Variants in KLHL28 observed in about 807,000 individuals in gnomAD.
KLHL28 encodes kelch like family member 28.
Under a neutral mutation model 48.3 loss-of-function variants are expected in KLHL28, and 22 were observed. The ratio of observed to expected loss-of-function variants is 0.46; its 90% confidence interval spans 0.33 to 0.65. The LOEUF is 0.65. Ranked by LOEUF, KLHL28 falls within the 30% of genes least tolerant of loss-of-function variation. The pLI is 0.03. For missense variants in KLHL28, 527 were observed against 704.3 expected, an observed-to-expected ratio of 0.75 and a Z score of 2.85; for synonymous variants, 243 against 242.4, an observed-to-expected ratio of 1.00 and a Z score of -0.02.
intron 2 of KLHL28, among the ~76,000 whole-genome samples, chr14:44,938,126 C>T (rs938844848): frequency 3.9e-5 from 6 of 152,150 alleles, no homozygotes; most frequent in African/African-American, 1.4e-4. Flanking sequence ...CTCATTCCAG[C>T]ATCAACTCAA....
In KLHL28 at chr14:44,926,173, T is replaced by C. The variant is rs1883365053; in HGVS notation, c.*2855A>G. 6.6e-6 allele frequency: 1 copy of C among 152,196 alleles called. No homozygotes were observed. The highest frequency in any genetic ancestry group is 1.5e-5 in the Non-Finnish European group (1 of 68,012). 9.4% of individuals were successfully genotyped at this position (152,196 alleles called of 1,614,324 possible). Reference sequence around the variant, plus strand: ...GAAGGCGCTAATGTAAACATATTAGTTGTCAGGTCAGATTAGTAGCTCTGG... The same window carrying C: ...GAAGGCGCTAATGTAAACATATTAGCTGTCAGGTCAGATTAGTAGCTCTGG... On this transcript the variant is annotated 3_prime_UTR_variant, in exon 5 of 5. Coordinates refer to ENST00000396128, the MANE Select transcript of KLHL28 (RefSeq NM_017658.5).
At position 44,928,688 on chromosome 14, in the gene KLHL28, A is replaced by AT. The variant is rs531545327; in HGVS notation, c.*339_*340insA. ...ATCAGGGAAGGAGAGCTAAAATAAA[A>AT]AAAAAAAAAAAAAAAAAGCAGCCAC... On this transcript the variant is annotated 3_prime_UTR_variant, in exon 5 of 5. Transcript: ENST00000396128. 5,581 of 155,632 alleles carry AT rather than the reference A, an allele frequency of 0.036. 166 individuals are homozygous for AT. Among genetic ancestry groups the AT allele is most frequent in the African/African-American group, 0.1 (4,163 of 40,654 alleles). 9.6% of individuals were successfully genotyped at this position (155,632 alleles called of 1,614,324 possible).
chr14:44,944,919 CAAAGA>C, intron 2 of KLHL28, 106 bp downstream of exon 2: 1 of 804,874 alleles, frequency 1.2e-6, no homozygotes, highest in Admixed American at 2.7e-5. Flanking sequence ...TAAAAAGAAG[CAAAGA>C]AAAGTAAAAA....
chr14:44,935,890 G>GTGTATATATATATATA lies in KLHL28; in HGVS notation c.900-1333_900-1332insTATATATATATATACA, dbSNP rs1555337906. Among the ~76,000 whole-genome samples the GTGTATATATATATATA allele has an allele frequency of 4.4e-4, 26 of 59,146 alleles. 1 individual carries two copies. In the South Asian group the frequency reaches 0.013, roughly 29 times the overall value. The allele number at this position is 59,146 out of a possible 152,430, so 38.8% of individuals were successfully genotyped here. On this transcript the variant is annotated intron_variant, in intron 2 of 4. Transcript: ENST00000396128. ...TATGTGTATGTATATATATATGTGTGTATATATATATATCTTTACCCTCCC... is the reference window on the plus strand; with the variant it reads ...TATGTGTATGTATATATATATGTGTGTGTATATATATATATATATATATATATATCTTTACCCTCCC...
intron 3 of KLHL28, among the ~76,000 whole-genome samples, chr14:44,933,660 G>A (rs1413172189): frequency 6.6e-6 from 1 of 152,084 alleles, no homozygotes; most frequent in Non-Finnish European, 1.5e-5. Flanking sequence ...GATGATACAT[G>A]TATGATTACA....
intron 2 of KLHL28, among the ~76,000 whole-genome samples, chr14:44,936,971 A>C (rs1883852045): frequency 6.6e-6 from 1 of 152,166 alleles, no homozygotes. Context: ...AGAAAAAACC[A>C]CTGTCAAAGA....
Position 44,954,857 on chromosome 14 carries a change from C to T in KLHL28, c.-1+6989G>A, listed in dbSNP as rs183063919. ...ATAAGAAATTTGAAAATTGAAAATA[C>T]AAAGGAAGAAAATATCAACTTAGTG... is the stretch of plus-strand genomic sequence containing the variant. On this transcript the variant is annotated intron_variant, in intron 1 of 4. Coordinates refer to ENST00000396128, the MANE Select transcript of KLHL28 (RefSeq NM_017658.5). 4.6e-3 allele frequency among the ~76,000 whole-genome samples: 704 copies of T among 152,156 alleles called. 10 individuals are homozygous for T. The highest frequency in any genetic ancestry group is 0.015 in the African/African-American group (635 of 41,512).
At chr14:44,935,905 T>TATATATA (rs1233257500) in intron 2 of KLHL28, among the ~76,000 whole-genome samples, 3 of 123,702 alleles carry the variant, frequency 2.4e-5, no homozygotes, top group Non-Finnish European at 3.6e-5. Flanking sequence ...TATATATATC[T>TATATATA]TTACCCTCCC....
intron 2 of KLHL28, among the ~76,000 whole-genome samples, chr14:44,937,759 C>A (rs904002917): frequency 6.6e-6 from 1 of 152,158 alleles, no homozygotes; most frequent in Non-Finnish European, 1.5e-5. Context: ...ATGGTGCTAG[C>A]ATCTGGGAAG....
rs954220593 is a variant in KLHL28 at position 44,961,869 on chromosome 14, C to A, written c.-24G>T. 8 of 152,800 alleles carry A rather than the reference C, an allele frequency of 5.2e-5. No individual in the cohort carries two copies. Among genetic ancestry groups the A allele is most frequent in the Non-Finnish European group, 1.2e-4 (8 of 68,476 alleles). 9.5% of individuals were successfully genotyped at this position (152,800 alleles called of 1,614,324 possible). A position where few individuals can be genotyped will look rare whatever the true frequency, so the allele number is the denominator to read the frequency against. On this transcript the variant is annotated 5_prime_UTR_variant, in exon 1 of 5. Coordinates refer to ENST00000396128, the MANE Select transcript of KLHL28 (RefSeq NM_017658.5). ...ACCTGAGTCTCAGTAATCACACGGG[C>A]AGCGACAGGAGGAGGAACCGCGGAC... is the stretch of plus-strand genomic sequence containing the variant.
At chr14:44,956,806 T>C in intron 1 of KLHL28, among the ~76,000 whole-genome samples, 1 of 152,178 alleles carries the variant, frequency 6.6e-6, no homozygotes, top group Admixed American at 6.5e-5. Flanking sequence ...TGTTGCTAAA[T>C]AGTGGTATTG....
chr14:44,960,611 C>T (rs1885008944), intron 1 of KLHL28, among the ~76,000 whole-genome samples: 1 of 151,992 alleles, frequency 6.6e-6, no homozygotes, highest in Admixed American at 6.5e-5. Flanking sequence ...CATTTAAACA[C>T]GAAAATGGCT....
rs1199872660 is a variant in KLHL28 at position 44,931,359 on chromosome 14, C to T, written c.1526G>A (p.Cys509Tyr). ...TGTTCTAGGTTCTTTCATTGGTCTA[C>T]ACACAGTCCACTGATTTTGATGAGG... is the stretch of plus-strand genomic sequence containing the variant. ...YDPHQNQWTV[C>Y]RPMKEPRTGV... The change falls in exon 4 of 5, where the codon TGT becomes TAT. Residue 509 changes from cysteine to tyrosine, a missense_variant. Physicochemically the swap from Cys to Tyr is radical, Grantham distance 194. Transcript: ENST00000396128. The T allele has an allele frequency of 6.2e-7, 1 of 1,613,370 alleles. No individual in the cohort carries two copies. Among genetic ancestry groups the T allele is most frequent in the Non-Finnish European group, 8.5e-7 (1 of 1,179,344 alleles).
intron 2 of KLHL28, among the ~76,000 whole-genome samples, chr14:44,941,793 C>T (rs375237090): frequency 1.3e-5 from 2 of 152,084 alleles, no homozygotes; most frequent in South Asian, 2.1e-4. Context: ...CACACAAATT[C>T]CTTGGCTTTT....
At chr14:44,936,917 C>A (rs1030491765) in intron 2 of KLHL28, among the ~76,000 whole-genome samples, 3 of 152,078 alleles carry the variant, frequency 2.0e-5, no homozygotes, top group African/African-American at 7.2e-5. Context: ...CTGAAAGGGA[C>A]AAAGACTCAT....
intron 2 of KLHL28, among the ~76,000 whole-genome samples, chr14:44,939,355 G>A (rs1218113712): frequency 7.2e-5 from 11 of 152,100 alleles, no homozygotes; most frequent in African/African-American, 2.7e-4. Context: ...TGGCTCCCCT[G>A]TAACCACACT....
chr14:44,933,075 A>C (rs1312719402), intron 3 of KLHL28, among the ~76,000 whole-genome samples: 1 of 152,172 alleles, frequency 6.6e-6, no homozygotes, highest in Non-Finnish European at 1.5e-5. Flanking sequence ...TGTATACTTT[A>C]AATCATCTCT....
At position 44,934,190 on chromosome 14, in the gene KLHL28, C is replaced by T. The variant is rs1234112416; in HGVS notation, c.1268G>A (p.Arg423Lys). The T allele has an allele frequency of 1.9e-5, 31 of 1,614,020 alleles. No individual in the cohort carries two copies. In the East Asian group the frequency reaches 6.9e-4, roughly 36 times the overall value. The change falls in exon 3 of 5, where the codon AGA (arginine) becomes AAA (lysine). Residue 423 changes from arginine (R) to lysine (K), a missense_variant. Physicochemically the swap from Arg to Lys is conservative, Grantham distance 26 (BLOSUM62 2). Coordinates refer to ENST00000396128, the MANE Select transcript of KLHL28 (RefSeq NM_017658.5). ...WQPVAPMTTT[R>K]SCFAAAVLDG... ...CAATACCGCTGCAGCAAAACAACTT[C>T]TTGTTGTCGTCATTGGTGCCACAGG...
rs1318360164 is a variant in KLHL28 at position 44,925,595 on chromosome 14, T to C, written c.*3433A>G. ...TCTCTCCCACTATATTTTACTCTCT[T>C]TGAGTGAAAAAGAGTATATCTCTCT... is the stretch of plus-strand genomic sequence containing the variant. On this transcript the variant is annotated 3_prime_UTR_variant, in exon 5 of 5. Transcript: ENST00000396128. 6.6e-6 allele frequency: 1 copy of C among 151,962 alleles called. No homozygotes were observed. Among genetic ancestry groups the C allele is most frequent in the Non-Finnish European group, 1.5e-5 (1 of 67,802 alleles). The allele number at this position is 151,962 out of a possible 1,614,324, so 9.4% of individuals were successfully genotyped here. A position where few individuals can be genotyped will look rare whatever the true frequency, so the allele number is the denominator to read the frequency against.
Sources: gnomAD v4.1 joint callset for allele counts (sites outside exome capture counted in the v4.1 genomes callset) on GRCh38, gnomAD v4.1.1 for gene constraint, MANE v1.5 for transcripts, NCBI Gene and HGNC (gene_info 2026-07-23, HGNC 2026-07-21) for gene names.